Variants in TBC1D4 observed in about 807,000 individuals in gnomAD.
TBC1D4 encodes the protein TBC (Tre-2, BUB2, CDC16) domain-containing protein.
TBC1D4 carries 121 observed loss-of-function variants against 142.5 expected under a neutral mutation model. The observed-to-expected ratio is 0.85, with a 90% confidence interval of 0.73 to 0.99. The LOEUF (loss-of-function observed/expected upper bound fraction) is 0.99, where lower values mean the gene tolerates loss of function less well. TBC1D4 is among the 50% of genes least tolerant of loss of function. The probability of loss-of-function intolerance (pLI) is 0.00; values close to 1 mark genes in which losing one functional copy is unlikely to be tolerated. For synonymous variants in TBC1D4, 630 were observed against 628.2 expected (o/e 1.00, Z -0.04); for missense variants, 1,475 against 1,606.6 (o/e 0.92, Z 1.40).
intron 1 of TBC1D4, among the ~76,000 whole-genome samples, chr13:75,461,645 T>A (rs1253597450): frequency 1.3e-5 from 2 of 152,268 alleles, no homozygotes; most frequent in Non-Finnish European, 2.9e-5. Context: ...AGCACTATCA[T>A]TAAAATTTCC....
chr13:75,411,280 A>T (rs1248234461), intron 1 of TBC1D4, among the ~76,000 whole-genome samples: 1 of 152,206 alleles, frequency 6.6e-6, no homozygotes, highest in African/African-American at 2.4e-5. Context: ...AAATAGAACT[A>T]GTTACCACTT....
chr13:75,300,565 G>T (rs1876428320), intron 16 of TBC1D4, among the ~76,000 whole-genome samples: 1 of 152,134 alleles, frequency 6.6e-6, no homozygotes, highest in South Asian at 2.1e-4. Flanking sequence ...GTAAGAGGAA[G>T]ATATGAGAAA....
chr13:75,384,095 TAAA>T (rs570526110), intron 1 of TBC1D4, among the ~76,000 whole-genome samples: 27 of 76,674 alleles, frequency 3.5e-4, no homozygotes, highest in African/African-American at 7.4e-4. Context: ...TAAAGTATAA[TAAA>T]AAAAAATAAT....
intron 1 of TBC1D4, among the ~76,000 whole-genome samples, chr13:75,410,029 A>G: frequency 6.6e-6 from 1 of 152,326 alleles, no homozygotes; most frequent in South Asian, 2.1e-4. Context: ...CAAATTTGCC[A>G]CTTACCTTAA....
intron 8 of TBC1D4, among the ~76,000 whole-genome samples, chr13:75,328,732 T>C (rs561117762): frequency 1.3e-5 from 2 of 152,324 alleles, no homozygotes; most frequent in African/African-American, 4.8e-5. Context: ...CGAAATTTTT[T>C]AACAATGCAT....
chr13:75,403,948 T>C (rs1043770439), intron 1 of TBC1D4, among the ~76,000 whole-genome samples: 1 of 152,136 alleles, frequency 6.6e-6, no homozygotes, highest in Non-Finnish European at 1.5e-5. Context: ...GGAAAGATTA[T>C]GATATAAAAG....
At chr13:75,289,764 C>T (rs1875084110) in intron 19 of TBC1D4, among the ~76,000 whole-genome samples, 1 of 152,112 alleles carries the variant, frequency 6.6e-6, no homozygotes, top group Non-Finnish European at 1.5e-5. Flanking sequence ...TACTGCTCTC[C>T]CATGTCACCA....
intron 7 of TBC1D4, 150 bp downstream of exon 7, chr13:75,340,975 A>G (rs1381879141): frequency 8.6e-5 from 60 of 694,794 alleles, no homozygotes. Context: ...AACCTATAAA[A>G]CTATTAAAAT....
At chr13:75,335,284 G>T (rs1593746878) in intron 8 of TBC1D4, among the ~76,000 whole-genome samples, 1 of 152,204 alleles carries the variant, frequency 6.6e-6, no homozygotes, top group African/African-American at 2.4e-5. Flanking sequence ...CAGTCTCCCT[G>T]CTCTGAGCCA....
At chr13:75,336,570 T>C (rs112271211) in intron 8 of TBC1D4, among the ~76,000 whole-genome samples, 88 of 152,062 alleles carry the variant, frequency 5.8e-4, no homozygotes, top group African/African-American at 2.0e-3. Flanking sequence ...TAGCCGGACA[T>C]GGTGATGTAC....
chr13:75,286,819 G>A lies in TBC1D4; in HGVS notation c.3870C>T (p.Asn1290=). ...ATGGCTTATTTCCTATCTTGGCTTT[G>A]TTGTTAGGGTTGCAGTTTAGGTCTC... ...LLRDLNCNPN[N]KAKIGNKP Residue 1290 remains asparagine (N), a synonymous_variant, in exon 21 of 21, where the codon AAC becomes AAT. Transcript: ENST00000377636. 6.2e-7 allele frequency: 1 copy of A among 1,613,856 alleles called. No homozygotes were observed. Among genetic ancestry groups the A allele is most frequent in the Non-Finnish European group, 8.5e-7 (1 of 1,179,930 alleles).
At chr13:75,403,451 G>T (rs1166146399) in intron 1 of TBC1D4, among the ~76,000 whole-genome samples, 1 of 152,144 alleles carries the variant, frequency 6.6e-6, no homozygotes, top group Non-Finnish European at 1.5e-5. Flanking sequence ...TTAACAGGTA[G>T]TTACAAAATG....
At chr13:75,328,406 AT>A (rs1220814601) in intron 8 of TBC1D4, among the ~76,000 whole-genome samples, 2 of 151,992 alleles carry the variant, frequency 1.3e-5, no homozygotes, top group Non-Finnish European at 2.9e-5. Flanking sequence ...TTGGTTATCA[AT>A]TTTTTTTCAC....
chr13:75,403,970 T>G (rs1015444630), intron 1 of TBC1D4, among the ~76,000 whole-genome samples: 1 of 151,920 alleles, frequency 6.6e-6, no homozygotes, highest in Non-Finnish European at 1.5e-5. Flanking sequence ...TTATACACAA[T>G]GCTAGAGAAA....
intron 12 of TBC1D4, 37 bp downstream of exon 12, chr13:75,319,977 A>T: frequency 6.2e-7 from 1 of 1,605,660 alleles, no homozygotes; most frequent in Non-Finnish European, 8.5e-7. Flanking sequence ...GAATCTGTGA[A>T]TTTTTTTTAA....
intron 1 of TBC1D4, among the ~76,000 whole-genome samples, chr13:75,473,758 T>C (rs997410647): frequency 5.9e-5 from 9 of 152,228 alleles, no homozygotes; most frequent in African/African-American, 1.9e-4. Flanking sequence ...CACAAACCTA[T>C]GGCAAGATTA....
At chr13:75,314,661 T>C (rs78082754) in intron 12 of TBC1D4, among the ~76,000 whole-genome samples, 2,187 of 152,180 alleles carry the variant, frequency 0.014, 53 homozygotes, top group African/African-American at 0.05. Flanking sequence ...TATGTGTCCA[T>C]TGTTCAAAAC....
chr13:75,339,035 A>G (rs1043133609), intron 7 of TBC1D4, among the ~76,000 whole-genome samples: 5 of 152,206 alleles, frequency 3.3e-5, no homozygotes, highest in Admixed American at 1.3e-4. Context: ...AAATGCTTCA[A>G]GACGAATTAT....
At position 75,284,546 on chromosome 13, in the gene TBC1D4, T is replaced by C. The variant is rs1874505221; in HGVS notation, c.*2246A>G. On this transcript the variant is annotated 3_prime_UTR_variant, in exon 21 of 21. Coordinates refer to ENST00000377636, the MANE Select transcript of TBC1D4 (RefSeq NM_014832.5). ...TCAGAGCTCAGGCAGTCATGCTTGCTCGCATGCCCACCACTGCTGTGCAGC... is the reference window on the plus strand; with the variant it reads ...TCAGAGCTCAGGCAGTCATGCTTGCCCGCATGCCCACCACTGCTGTGCAGC... 6.6e-6 allele frequency: 1 copy of C among 152,242 alleles called. No homozygotes were observed. Among genetic ancestry groups the C allele is most frequent in the Non-Finnish European group, 1.5e-5 (1 of 68,096 alleles). 9.4% of individuals were successfully genotyped at this position (152,242 alleles called of 1,614,324 possible). A position where few individuals can be genotyped will look rare whatever the true frequency, so the allele number is the denominator to read the frequency against.
Sources: allele counts gnomAD v4.1 joint callset (sites outside exome capture counted in the v4.1 genomes callset), GRCh38; gene constraint gnomAD v4.1.1; transcripts MANE v1.5; gene names NCBI Gene and HGNC (gene_info 2026-07-23, HGNC 2026-07-21).